Variants in SORL1 observed in about 807,000 individuals in gnomAD.
SORL1 encodes sortilin-related receptor.
SORL1 carries 127 observed loss-of-function variants against 273.7 expected under a neutral mutation model. The observed-to-expected ratio is 0.46, with a 90% CI of 0.40 to 0.54. The LOEUF (loss-of-function observed/expected upper bound fraction) is 0.54. Among genes scored for constraint, SORL1 ranks in the 20% least tolerant of loss-of-function variants. The pLI is 0.00. For synonymous variants in SORL1, 1,031 were observed against 1,067.4 expected (o/e 0.97, Z 0.66); for missense variants, 2,494 against 2,846.1 (o/e 0.88, Z 2.81).
intron 37 of SORL1, among the ~76,000 whole-genome samples, chr11:121,607,613 G>A (rs1474170017): frequency 1.3e-5 from 2 of 152,184 alleles, no homozygotes; most frequent in African/African-American, 4.8e-5. Context: ...ATCTTTAGCT[G>A]CAGGATGATG....
intron 3 of SORL1, among the ~76,000 whole-genome samples, chr11:121,478,462 A>G (rs1276433598): frequency 6.6e-6 from 1 of 152,188 alleles, no homozygotes; most frequent in Non-Finnish European, 1.5e-5. Flanking sequence ...GTCAGGCAGG[A>G]TTTCTAGACA....
chr11:121,461,545 G>A (rs1264602394), intron 1 of SORL1, among the ~76,000 whole-genome samples: 7 of 152,186 alleles, frequency 4.6e-5, no homozygotes, highest in East Asian at 1.9e-4. Flanking sequence ...ACAGGGTGGT[G>A]AAGAAGCCAC....
In SORL1 at chr11:121,554,200, C is replaced by A; in HGVS notation, c.2439+91C>A. 2.6e-6 allele frequency: 3 copies of A among 1,168,000 alleles called. No homozygotes were observed. Among genetic ancestry groups the A allele is most frequent in the Non-Finnish European group, 3.6e-6 (3 of 825,778 alleles). 72.4% of individuals were successfully genotyped at this position (1,168,000 alleles called of 1,614,324 possible). A position where few individuals can be genotyped will look rare whatever the true frequency, so the allele number is the denominator to read the frequency against. On this transcript the variant is annotated intron_variant, in intron 17 of 47. Transcript: ENST00000260197. The surrounding 1 kb of genome is among the most constrained non-coding windows in gnomAD (Gnocchi z 4.6). ...ATGCAGAATGGCCTATGGAAATGGG[C>A]AGTTAGAAGTTTGTAAGTGTTACTC... is the stretch of plus-strand genomic sequence containing the variant.
At chr11:121,514,363 C>T (rs753069901) in intron 8 of SORL1, 42 bp downstream of exon 8, 1 of 1,561,704 alleles carries the variant, frequency 6.4e-7, no homozygotes, top group South Asian at 1.2e-5. Flanking sequence ...CTTAGGCCAA[C>T]ACAACCATTA....
In SORL1 at chr11:121,570,171, C is replaced by T. The variant is rs376993434; in HGVS notation, c.3238C>T (p.Arg1080Cys). ...CTGATGGGTAGAGAACACCTGTCTT[C>T]GCAACCAGTATCGCTGCAGCAACGG... ...TCVKQENTCL[R>C]NQYRCSNGNC... Residue 1080 changes from arginine (R) to cysteine (C), a missense_variant, in exon 23 of 48, where the codon CGC (arginine) becomes TGC (cysteine). By Grantham distance (180) the Arg-to-Cys change is radical (BLOSUM62 -3). Around this residue, in one of 3 missense-constraint regions of SORL1, gnomAD observed 1,609 missense variants for 1,816.4 expected, o/e 0.89. Transcript: ENST00000260197. The T allele has an allele frequency of 1.4e-5, 23 of 1,613,512 alleles. No individual in the cohort carries two copies. Among genetic ancestry groups the T allele is most frequent in the South Asian group, 2.2e-5 (2 of 91,062 alleles).
At chr11:121,590,404 AG>A (rs1863191616) in intron 30 of SORL1, 1 of 527,372 alleles carries the variant, frequency 1.9e-6, no homozygotes, top group Non-Finnish European at 3.4e-6. Context: ...TGAGAAGTCT[AG>A]AGCCTTCCTA....
At chr11:121,522,187 G>T (rs1192752491) in intron 9 of SORL1, among the ~76,000 whole-genome samples, 5 of 152,226 alleles carry the variant, frequency 3.3e-5, no homozygotes, top group Admixed American at 2.0e-4. Context: ...CTGGAATCAT[G>T]TTTGAAATAT....
rs530754074 is a variant in SORL1, at chr11:121,554,979, A to G, written c.2440-208A>G. ...TAATATATATGATTAAATTCTCTTT[A>G]TTCTGCTTTAAAAAACAAAAATGTA... is the stretch of plus-strand genomic sequence containing the variant. On this transcript the variant is annotated intron_variant, in intron 17 of 47. Transcript: ENST00000260197. This position sits in a 1 kb window ranked among gnomAD's most constrained non-coding sequence, Gnocchi z 4.6. 10 of 400,026 alleles carry G rather than the reference A, an allele frequency of 2.5e-5. No homozygotes were observed. The South Asian group carries it at 3.2e-4, about 13-fold the overall frequency. The allele number at this position is 400,026 out of a possible 1,614,324, so 24.8% of individuals were successfully genotyped here. A position where few individuals can be genotyped will look rare whatever the true frequency, so the allele number is the denominator to read the frequency against.
At chr11:121,459,069 G>A (rs541846874) in intron 1 of SORL1, among the ~76,000 whole-genome samples, 3 of 152,294 alleles carry the variant, frequency 2.0e-5, no homozygotes, top group Admixed American at 1.3e-4. Context: ...TGGACCCTCC[G>A]ATGTGGCACT....
At chr11:121,564,366 G>T (rs1285058837) in intron 21 of SORL1, among the ~76,000 whole-genome samples, 1 of 152,268 alleles carries the variant, frequency 6.6e-6, no homozygotes, top group East Asian at 1.9e-4. Flanking sequence ...CCTGGTTACT[G>T]CCTCAGAGTA....
intron 23 of SORL1, among the ~76,000 whole-genome samples, chr11:121,571,806 T>G (rs535233107): frequency 6.6e-6 from 1 of 152,334 alleles, no homozygotes; most frequent in South Asian, 2.1e-4. Flanking sequence ...GAGGGTGCCT[T>G]TCACACCGAG....
Position 121,608,236 on chromosome 11 carries a change from C to T in SORL1, c.5239+60C>T, listed in dbSNP as rs1863508061. On this transcript the variant is annotated intron_variant, in intron 38 of 47. Coordinates refer to ENST00000260197, the MANE Select transcript of SORL1 (RefSeq NM_003105.6). ...ATATTATACAAACCCTTTCAAATGACTTTCAGTATGACCGGAAAATGGAGA... is the reference window on the plus strand; with the variant it reads ...ATATTATACAAACCCTTTCAAATGATTTTCAGTATGACCGGAAAATGGAGA... 8 of 1,372,786 alleles carry T rather than the reference C, an allele frequency of 5.8e-6. No individual in the cohort carries two copies. The Admixed American group carries it at 1.3e-4, about 22-fold the overall frequency. The allele number at this position is 1,372,786 out of a possible 1,614,324, so 85.0% of individuals were successfully genotyped here.
chr11:121,577,200 C>G, intron 24 of SORL1, 81 bp from the exon 25 acceptor site: 3 of 1,512,124 alleles, frequency 2.0e-6, no homozygotes, highest in Non-Finnish European at 2.7e-6. Context: ...CATCTCCATC[C>G]TTTATGAGAG....
At chr11:121,501,727 G>A (rs12796201) in intron 6 of SORL1, among the ~76,000 whole-genome samples, 45,054 of 151,918 alleles carry the variant, frequency 0.3, 7,604 homozygotes, top group Middle Eastern at 0.41. Context: ...AGGAAAACCC[G>A]CCCCCATGAT....
intron 3 of SORL1, among the ~76,000 whole-genome samples, chr11:121,483,989 C>A (rs1484761166): frequency 6.6e-6 from 1 of 152,034 alleles, no homozygotes; most frequent in East Asian, 1.9e-4. Flanking sequence ...TCAGCAGAGA[C>A]TGCAAAGTGC....
chr11:121,494,778 A>G (rs552134082), intron 5 of SORL1, among the ~76,000 whole-genome samples: 61 of 152,278 alleles, frequency 4.0e-4, no homozygotes, highest in African/African-American at 1.4e-3. Context: ...GGAAGGAATA[A>G]TAGAGGTGAG....
chr11:121,558,902 C>A (rs927828168), intron 20 of SORL1, 65 bp downstream of exon 20: 8 of 1,584,688 alleles, frequency 5.0e-6, no homozygotes, highest in Non-Finnish European at 6.9e-6. Flanking sequence ...AGATCAGGAG[C>A]CTGCATCCCT....
In SORL1 at chr11:121,495,655, T is replaced by C. The variant is rs73012914; in HGVS notation, c.759-1214T>C. Among the ~76,000 whole-genome samples, 821 of 152,328 alleles carry C rather than the reference T, an allele frequency of 5.4e-3. 4 individuals are homozygous for C. Among genetic ancestry groups the C allele is most frequent in the Middle Eastern group, 0.01 (3 of 294 alleles). On this transcript the variant is annotated intron_variant, in intron 5 of 47. Transcript: ENST00000260197. ...TTTTCCATTTGCTGAATGGTTCCCA[T>C]GGCCTTGGTGTTCTTGAGAATGTTA...
chr11:121,532,600 AT>A (rs758994891), intron 12 of SORL1, 48 bp downstream of exon 12: 1 of 1,469,058 alleles, frequency 6.8e-7, no homozygotes, highest in Non-Finnish European at 9.5e-7. Flanking sequence ...TCTCCCAGAA[AT>A]TTACGTCTGT....
Sources: allele counts gnomAD v4.1 joint callset (sites outside exome capture counted in the v4.1 genomes callset), GRCh38; gene constraint gnomAD v4.1.1; regional missense constraint gnomAD v4.1.1; non-coding constraint Gnocchi (gnomAD v3.1); transcripts MANE v1.5; gene names NCBI Gene and HGNC (gene_info 2026-07-23, HGNC 2026-07-21).